Variants in MAP2K6 observed in about 807,000 individuals in gnomAD.
MAP2K6 encodes mitogen-activated protein kinase kinase 6, also known as dual specificity mitogen-activated protein kinase kinase 6.
A neutral mutation model predicts 53.7 loss-of-function variants in MAP2K6; 16 were observed. That is an observed-to-expected ratio of 0.30 (90% confidence interval 0.20 to 0.45). The LOEUF is 0.45. Among genes scored for constraint, MAP2K6 ranks in the 20% least tolerant of loss-of-function variants. MAP2K6 has a pLI of 1.00. For missense variants in MAP2K6, 204 were observed against 411.9 expected, an observed-to-expected ratio of 0.50 and a Z score of 4.37; for synonymous variants, 132 against 143.1, an observed-to-expected ratio of 0.92 and a Z score of 0.55.
chr17:69,526,251 G>C (rs973253838), intron 9 of MAP2K6, among the ~76,000 whole-genome samples: 1 of 152,188 alleles, frequency 6.6e-6, no homozygotes, highest in South Asian at 2.1e-4. Flanking sequence ...TGAAATCCTC[G>C]TAGCTTTACA....
At position 69,546,935 on chromosome 17, in the gene MAP2K6, AGTAAAATCT is replaced by A. The variant is rs1318662867; in HGVS notation, c.*5183_*5191del. On this transcript the variant is annotated 3_prime_UTR_variant, in exon 12 of 12. Coordinates refer to ENST00000590474, the MANE Select transcript of MAP2K6 (RefSeq NM_002758.4). ...ACATAGTCAGATGGAAAAATGCCAG[AGTAAAATCT>A]AGGAAGAAGGAGCTACCAGACCCGA... is the stretch of plus-strand genomic sequence containing the variant. 1 of 151,962 alleles carries A rather than the reference AGTAAAATCT, an allele frequency of 6.6e-6. No individual in the cohort carries two copies. 9.4% of individuals were successfully genotyped at this position (151,962 alleles called of 1,614,324 possible).
chr17:69,432,233 T>G (rs1484231079), intron 1 of MAP2K6, among the ~76,000 whole-genome samples: 3 of 152,244 alleles, frequency 2.0e-5, no homozygotes, highest in African/African-American at 7.2e-5. Flanking sequence ...TAAGGTTACA[T>G]ACTATTGATC....
At chr17:69,436,893 C>T (rs1005536325) in intron 1 of MAP2K6, among the ~76,000 whole-genome samples, 1 of 151,788 alleles carries the variant, frequency 6.6e-6, no homozygotes, top group Non-Finnish European at 1.5e-5. Flanking sequence ...GGTATGATCT[C>T]GGTTCACTAC....
In MAP2K6 at chr17:69,533,084, A is replaced by G. The variant is rs111362683; in HGVS notation, c.882-3031A>G. 1.7e-3 allele frequency among the ~76,000 whole-genome samples: 260 copies of G among 152,224 alleles called. 1 individual carries two copies. Among genetic ancestry groups the G allele is most frequent in the African/African-American group, 6.0e-3 (249 of 41,530 alleles). ...ACTGGGATTACAGGCTCCTGCCACC[A>G]TGCTCAGCTAATTTTTGTATTTTTA... On this transcript the variant is annotated intron_variant, in intron 10 of 11. Coordinates refer to ENST00000590474, the MANE Select transcript of MAP2K6 (RefSeq NM_002758.4).
chr17:69,490,453 G>T (rs1598286845), intron 1 of MAP2K6, among the ~76,000 whole-genome samples: 2 of 152,220 alleles, frequency 1.3e-5, no homozygotes, highest in African/African-American at 4.8e-5. Flanking sequence ...AAGGCCAAAT[G>T]CTACAGGAGT....
intron 1 of MAP2K6, among the ~76,000 whole-genome samples, chr17:69,451,877 G>A (rs1023514923): frequency 4.6e-5 from 7 of 152,144 alleles, no homozygotes; most frequent in Non-Finnish European, 7.3e-5. Context: ...TCAGGCTGAA[G>A]GTGATTCTGG....
rs61759562 is a variant in MAP2K6, at chr17:69,525,258, C to T, written c.741+280C>T. 2.8e-3 allele frequency among the ~76,000 whole-genome samples: 425 copies of T among 152,238 alleles called. 2 individuals are homozygous for T. The highest frequency in any genetic ancestry group is 9.9e-3 in the African/African-American group (411 of 41,530). ...TCACATGGACTATCTTCCTATCCTC[C>T]TCTGTAAAACGAGAGGATCTGACCA... On this transcript the variant is annotated intron_variant, in intron 9 of 11. Transcript: ENST00000590474.
At position 69,550,590 on chromosome 17, in the gene MAP2K6, C is replaced by G. The variant is rs1912056880; in HGVS notation, c.*8837C>G. On this transcript the variant is annotated 3_prime_UTR_variant, in exon 12 of 12. Transcript: ENST00000590474. ...TTATTTTATTTTATTTTTCTGATCT[C>G]AAGTTGTTTGTCCTGTTGTATGTTC... 1 of 152,060 alleles carries G rather than the reference C, an allele frequency of 6.6e-6. No individual in the cohort carries two copies. The highest frequency in any genetic ancestry group is 2.4e-5 in the African/African-American group (1 of 41,420). 9.4% of individuals were successfully genotyped at this position (152,060 alleles called of 1,614,324 possible).
intron 10 of MAP2K6, among the ~76,000 whole-genome samples, chr17:69,535,228 G>A (rs992290107): frequency 5.3e-5 from 8 of 152,044 alleles, no homozygotes; most frequent in African/African-American, 1.7e-4. Context: ...CACTGAGTGC[G>A]CTCTCTCTTT....
At chr17:69,482,312 TA>T (rs1393093740) in intron 1 of MAP2K6, among the ~76,000 whole-genome samples, 1 of 152,150 alleles carries the variant, frequency 6.6e-6, no homozygotes, top group African/African-American at 2.4e-5. Context: ...ATTATTTTTT[TA>T]AACTTAGTTT....
At chr17:69,533,567 T>G (rs1383535997) in intron 10 of MAP2K6, among the ~76,000 whole-genome samples, 1 of 152,140 alleles carries the variant, frequency 6.6e-6, no homozygotes, top group African/African-American at 2.4e-5. Flanking sequence ...AAGGTCTAAA[T>G]AGAGACAGCC....
intron 1 of MAP2K6, among the ~76,000 whole-genome samples, chr17:69,415,448 T>C (rs942639128): frequency 1.3e-5 from 2 of 152,258 alleles, no homozygotes; most frequent in African/African-American, 2.4e-5. Flanking sequence ...TGTAATCTTA[T>C]ATTCTTTGGG....
chr17:69,532,703 C>A (rs8067307), intron 10 of MAP2K6, among the ~76,000 whole-genome samples: 6,424 of 152,134 alleles, frequency 0.042, 365 homozygotes, highest in East Asian at 0.24. Flanking sequence ...TATATCAGTT[C>A]CATTAATTTA....
chr17:69,428,741 C>T, intron 1 of MAP2K6, among the ~76,000 whole-genome samples: 1 of 151,838 alleles, frequency 6.6e-6, no homozygotes. Flanking sequence ...AGAGGAAGGA[C>T]CTTAAGTTGG....
rs1910344285 is a variant in MAP2K6 at position 69,519,307 on chromosome 17, A to G, written c.247-6A>G. 10 of 1,612,678 alleles carry G rather than the reference A, an allele frequency of 6.2e-6. No individual in the cohort carries two copies. Among genetic ancestry groups the G allele is most frequent in the Non-Finnish European group, 7.6e-6 (9 of 1,179,500 alleles). On this transcript the variant is annotated splice_polypyrimidine_tract_variant and splice_region_variant and intron_variant, in intron 4 of 11. Transcript: ENST00000590474. ...AACCATAAATTTTCCATGCATTTCC[A>G]TTCAGCGGATCCGAGCCACAGTAAA... is the stretch of plus-strand genomic sequence containing the variant.
chr17:69,455,213 C>T (rs1224861252), intron 1 of MAP2K6, among the ~76,000 whole-genome samples: 1 of 152,140 alleles, frequency 6.6e-6, no homozygotes, highest in Non-Finnish European at 1.5e-5. Flanking sequence ...CTGTCCACTG[C>T]ATGTAAACAA....
At chr17:69,538,163 CCTATT>C (rs572207275) in intron 11 of MAP2K6, among the ~76,000 whole-genome samples, 2 of 152,154 alleles carry the variant, frequency 1.3e-5, no homozygotes, top group Non-Finnish European at 2.9e-5. Flanking sequence ...CACCTGTACT[CCTATT>C]CTAAAGTTGC....
chr17:69,415,734 CTG>C (rs1279556744), intron 1 of MAP2K6, among the ~76,000 whole-genome samples: 1 of 152,120 alleles, frequency 6.6e-6, no homozygotes, highest in Admixed American at 6.5e-5. Flanking sequence ...GGGGGTAAAA[CTG>C]TACTTTTAAG....
chr17:69,442,398 C>T (rs995157874), intron 1 of MAP2K6, among the ~76,000 whole-genome samples: 2 of 152,160 alleles, frequency 1.3e-5, no homozygotes, highest in Non-Finnish European at 2.9e-5. Context: ...TGGTCTCCCT[C>T]CTTGAAAGAC....
Sources: gnomAD v4.1 joint callset for allele counts (sites outside exome capture counted in the v4.1 genomes callset) on GRCh38, gnomAD v4.1.1 for gene constraint, MANE v1.5 for transcripts, NCBI Gene and HGNC (gene_info 2026-07-23, HGNC 2026-07-21) for gene names.